The following UBE4A variants were observed in gnomAD, a reference collection of about 807,000 sequenced individuals.
UBE4A encodes ubiquitin conjugation factor E4 A.
In UBE4A, 48 loss-of-function variants were observed where a neutral mutation model predicts 117.9. The observed-to-expected ratio is 0.41, with a 90% CI of 0.32 to 0.52. UBE4A has a LOEUF of 0.52. UBE4A is among the 20% of genes least tolerant of loss of function. The pLI is 0.33. For missense variants in UBE4A, 1,067 were observed against 1,296.3 expected (o/e 0.82, Z 2.72); for synonymous variants, 407 against 450.0 (o/e 0.90, Z 1.21).
intron 1 of UBE4A, among the ~76,000 whole-genome samples, chr11:118,360,118 A>G (rs953682671): frequency 4.6e-5 from 7 of 152,212 alleles, no homozygotes; most frequent in African/African-American, 1.4e-4. Context: ...AGTTCAATGC[A>G]TACGTCAGGG....
At chr11:118,365,794 A>G (rs1253050854) in intron 2 of UBE4A, among the ~76,000 whole-genome samples, 1 of 152,226 alleles carries the variant, frequency 6.6e-6, no homozygotes, top group Non-Finnish European at 1.5e-5. Flanking sequence ...TAGCCTTACT[A>G]TGAAAAACAT....
At chr11:118,390,976 A>G (rs554327636) in intron 18 of UBE4A, among the ~76,000 whole-genome samples, 172 bp downstream of exon 18, 114 of 152,248 alleles carry the variant, frequency 7.5e-4, no homozygotes, top group African/African-American at 2.7e-3. Context: ...GATAGCCACT[A>G]CACTCCAGCC....
At chr11:118,380,654 C>T (rs1181924190) in intron 11 of UBE4A, among the ~76,000 whole-genome samples, 1 of 152,144 alleles carries the variant, frequency 6.6e-6, no homozygotes, top group Admixed American at 6.6e-5. Context: ...TGTTCTGACT[C>T]AGAGTTCCTC....
chr11:118,384,631 C>A lies in UBE4A; in HGVS notation c.2198-4C>A. On this transcript the variant is annotated splice_polypyrimidine_tract_variant and splice_region_variant and intron_variant, in intron 13 of 19. Coordinates refer to ENST00000252108, the MANE Select transcript of UBE4A (RefSeq NM_001204077.2). ...GCTGATATTTCGCTCTTGCCTTACTCCAGGAGACCCCCATCAATTTGAACA... is the reference window on the plus strand; with the variant it reads ...GCTGATATTTCGCTCTTGCCTTACTACAGGAGACCCCCATCAATTTGAACA... The A allele has an allele frequency of 2.5e-6, 4 of 1,613,792 alleles. No individual in the cohort carries two copies. The highest frequency in any genetic ancestry group is 3.4e-6 in the Non-Finnish European group (4 of 1,179,812).
At chr11:118,360,967 T>C (rs1472135813) in intron 1 of UBE4A, among the ~76,000 whole-genome samples, 1 of 150,934 alleles carries the variant, frequency 6.6e-6, no homozygotes, top group African/African-American at 2.4e-5. Flanking sequence ...AAAAAATACA[T>C]ACATATATGT....
At chr11:118,372,033 G>C (rs1591297180) in intron 5 of UBE4A, among the ~76,000 whole-genome samples, 1 of 152,194 alleles carries the variant, frequency 6.6e-6, no homozygotes, top group Non-Finnish European at 1.5e-5. Context: ...GCCGATGCAG[G>C]CGGATCACAT....
chr11:118,372,430 T>C (rs778072336), intron 5 of UBE4A, 77 bp from the exon 6 acceptor site: 30 of 1,444,648 alleles, frequency 2.1e-5, no homozygotes, highest in Non-Finnish European at 2.8e-5. Flanking sequence ...ATGTCTCTTC[T>C]ATTGTATTCA....
At chr11:118,373,388 A>G in intron 7 of UBE4A, 100 bp downstream of exon 7, 2 of 1,525,974 alleles carry the variant, frequency 1.3e-6, no homozygotes, top group East Asian at 2.3e-5. Context: ...AAAATAAGAA[A>G]AAGATAGCTT....
chr11:118,362,120 CT>C (rs1305069381), intron 1 of UBE4A, among the ~76,000 whole-genome samples: 1 of 151,958 alleles, frequency 6.6e-6, no homozygotes, highest in Non-Finnish European at 1.5e-5. Context: ...TCTTGATAGT[CT>C]TTTTGTTTGT....
chr11:118,384,710 C>T lies in UBE4A; in HGVS notation c.2273C>T (p.Thr758Ile). 1.2e-6 allele frequency: 2 copies of T among 1,614,018 alleles called. No homozygotes were observed. Among genetic ancestry groups the T allele is most frequent in the Non-Finnish European group, 1.7e-6 (2 of 1,179,986 alleles). ...CCTATCCTAAGATACATGTGGGGGACAGATACCTATCGGGAGAGCATTAAG... is the reference window on the plus strand; with the variant it reads ...CCTATCCTAAGATACATGTGGGGGATAGATACCTATCGGGAGAGCATTAAG... ...MYPILRYMWG[T>I]DTYRESIKDL... is the part of the protein sequence containing the mutation. The change falls in exon 14 of 20, where the codon ACA (threonine) becomes ATA (isoleucine). Residue 758 changes from threonine (T) to isoleucine (I), a missense_variant. Coordinates refer to ENST00000252108, the MANE Select transcript of UBE4A (RefSeq NM_001204077.2).
intron 18 of UBE4A, among the ~76,000 whole-genome samples, chr11:118,392,328 G>A (rs1948826654): frequency 6.6e-6 from 1 of 152,178 alleles, no homozygotes; most frequent in South Asian, 2.1e-4. Flanking sequence ...ATCAAAAACT[G>A]CTTTTCATAC....
chr11:118,359,701 CG>C (rs45626139), intron 1 of UBE4A, 27 bp downstream of exon 1: 3,774 of 152,450 alleles, frequency 0.025, 70 homozygotes, highest in Non-Finnish European at 0.037. Context: ...CTTCAGGGGA[CG>C]GGGTCGTTGA....
At position 118,379,505 on chromosome 11, in the gene UBE4A, G is replaced by A. The variant is rs781896591; in HGVS notation, c.1631G>A (p.Arg544Gln). ...CTGCATCGGCTGCAGGTTGCCTGGCGGGATGCTCAGCAAAGTTCTAGCCCT... is the reference window on the plus strand; with the variant it reads ...CTGCATCGGCTGCAGGTTGCCTGGCAGGATGCTCAGCAAAGTTCTAGCCCT... The part of the protein sequence containing the change: ...QNLHRLQVAW[R>Q]DAQQSSSPAA... The change falls in exon 11 of 20, where the codon CGG becomes CAG. Residue 544 changes from arginine (R) to glutamine (Q), a missense_variant. Arg to Gln is a conservative substitution (Grantham distance 43, BLOSUM62 1). Around this residue, in one of 3 missense-constraint regions of UBE4A, gnomAD observed 1,001 missense variants for 1,184.0 expected, o/e 0.85. Transcript: ENST00000252108. 9 of 1,614,028 alleles carry A rather than the reference G, an allele frequency of 5.6e-6. No homozygotes were observed. Among genetic ancestry groups the A allele is most frequent in the Middle Eastern group, 1.6e-4 (1 of 6,070 alleles).
At chr11:118,389,117 C>T (rs1279680399) in intron 16 of UBE4A, among the ~76,000 whole-genome samples, 2 of 152,142 alleles carry the variant, frequency 1.3e-5, no homozygotes, top group Admixed American at 1.3e-4. Flanking sequence ...TATAGTGAGA[C>T]CCCATCTCAT....
rs1555125947 is a variant in UBE4A, at chr11:118,379,597, A to G, written c.1723A>G (p.Met575Val). ...MTIYLSTKTA[M>V]TEPQMLQNCL... ...CATCTATCTTTCTACCAAGACTGCC[A>G]TGACAGAGCCACAAATGCTACAAAA... Residue 575 changes from methionine (M) to valine (V), a missense_variant, in exon 11 of 20, where the codon ATG becomes GTG. By Grantham distance (21) the Met-to-Val change is conservative (BLOSUM62 1). This residue lies in a region of UBE4A where 1,001 missense variants were observed against 1,184.0 expected (regional missense o/e 0.85). Transcript: ENST00000252108. 2 of 1,614,154 alleles carry G rather than the reference A, an allele frequency of 1.2e-6. No individual in the cohort carries two copies. The highest frequency in any genetic ancestry group is 1.7e-6 in the Non-Finnish European group (2 of 1,180,054).
At chr11:118,364,907 G>A in intron 1 of UBE4A, 133 bp from the exon 2 acceptor site, 1 of 915,394 alleles carries the variant, frequency 1.1e-6, no homozygotes, top group Non-Finnish European at 1.5e-6. Flanking sequence ...TTTGGGGACA[G>A]GAATTGGAAA....
intron 16 of UBE4A, 131 bp downstream of exon 16, chr11:118,386,743 G>T (rs1009738915): frequency 1.1e-5 from 11 of 1,036,520 alleles, no homozygotes; most frequent in Non-Finnish European, 1.5e-5. Context: ...GAAGGGAAAC[G>T]AATCACTTGA....
chr11:118,364,943 G>C, intron 1 of UBE4A, 97 bp from the exon 2 acceptor site: 1 of 1,148,102 alleles, frequency 8.7e-7, no homozygotes, highest in Non-Finnish European at 1.1e-6. Flanking sequence ...ATTTTAAAAT[G>C]TATTGTATTT....
intron 16 of UBE4A, among the ~76,000 whole-genome samples, chr11:118,388,045 G>A (rs1378729671): frequency 6.6e-6 from 1 of 152,092 alleles, no homozygotes; most frequent in Non-Finnish European, 1.5e-5. Context: ...AGTGATAAGA[G>A]GCTCTGAAAA....
Sources: allele counts gnomAD v4.1 joint callset (sites outside exome capture counted in the v4.1 genomes callset), GRCh38; gene constraint gnomAD v4.1.1; regional missense constraint gnomAD v4.1.1; transcripts MANE v1.5; gene names NCBI Gene and HGNC (gene_info 2026-07-23, HGNC 2026-07-21).